Variants in SF3B3 observed in about 807,000 individuals in gnomAD.
SF3B3 encodes SAP 130.
Under a neutral mutation model 139.2 loss-of-function variants are expected in SF3B3, and 33 were observed. The observed-to-expected ratio is 0.24, with a 90% confidence interval of 0.18 to 0.32. SF3B3 has a LOEUF of 0.32. Among genes scored for constraint, SF3B3 ranks in the 10% least tolerant of loss-of-function variants. SF3B3 has a pLI of 1.00. For missense variants in SF3B3, 818 were observed against 1,509.4 expected (o/e 0.54, Z 7.59); for synonymous variants, 596 against 563.6 (o/e 1.06, Z -0.81).
chr16:70,570,524 G>T (rs1396998197), intron 24 of SF3B3, among the ~76,000 whole-genome samples: 1 of 152,076 alleles, frequency 6.6e-6, no homozygotes, highest in Non-Finnish European at 1.5e-5. Context: ...TAGAGATGGG[G>T]TTTCACCGTG....
At chr16:70,528,272 C>G (rs1044790588) in intron 2 of SF3B3, among the ~76,000 whole-genome samples, 2 of 144,356 alleles carry the variant, frequency 1.4e-5, no homozygotes, top group Non-Finnish European at 3.0e-5. Flanking sequence ...TCAAGCGATT[C>G]TCCTGTGTCA....
intron 5 of SF3B3, among the ~76,000 whole-genome samples, chr16:70,533,881 A>G (rs556071220): frequency 6.6e-6 from 1 of 152,388 alleles, no homozygotes; most frequent in Non-Finnish European, 1.5e-5. Flanking sequence ...CCTTTCATTT[A>G]CAAGGGCTTT....
At chr16:70,524,872 G>A (rs899683165) in intron 1 of SF3B3, 2 of 152,312 alleles carry the variant, frequency 1.3e-5, no homozygotes, top group African/African-American at 2.4e-5. Context: ...AGTAGAGACG[G>A]GGTTTCACTG....
chr16:70,548,410 A>G lies in SF3B3; in HGVS notation c.1370A>G (p.Asn457Ser). ...MAVSELPGNP[N>S]AVWTVRRHIE... The stretch of plus-strand genomic sequence containing the variant: ...GTTTCTGAGCTACCTGGTAACCCCA[A>G]CGCTGTCTGGACAGTGCGTCGACAC... Residue 457 changes from asparagine (N) to serine (S), a missense_variant, in exon 11 of 26, where the codon AAC (asparagine) becomes AGC (serine). Transcript: ENST00000302516. The G allele has an allele frequency of 6.2e-7, 1 of 1,613,868 alleles. No individual in the cohort carries two copies. Among genetic ancestry groups the G allele is most frequent in the Non-Finnish European group, 8.5e-7 (1 of 1,179,986 alleles).
intron 5 of SF3B3, among the ~76,000 whole-genome samples, chr16:70,533,115 C>G (rs1361533072): frequency 6.6e-6 from 1 of 152,210 alleles, no homozygotes. Context: ...TCCAAAGTCA[C>G]TCTCCCAAAA....
intron 2 of SF3B3, among the ~76,000 whole-genome samples, chr16:70,527,304 T>C (rs1472987655): frequency 6.6e-6 from 1 of 152,240 alleles, no homozygotes; most frequent in African/African-American, 2.4e-5. Flanking sequence ...AATATTGGAT[T>C]AGGAAATACA....
chr16:70,539,257 G>A (rs2050196514), intron 8 of SF3B3, 50 bp downstream of exon 8: 1 of 1,378,714 alleles, frequency 7.3e-7, no homozygotes. Flanking sequence ...GATAAAAGTT[G>A]GCAGCAGAAG....
chr16:70,550,749 A>G (rs1597716747), intron 11 of SF3B3: 2 of 772,156 alleles, frequency 2.6e-6, no homozygotes, highest in Non-Finnish European at 3.2e-6. Flanking sequence ...TGCACAAAAT[A>G]TTGAGGCTGC....
chr16:70,554,347 C>T, intron 11 of SF3B3, 99 bp from the exon 12 acceptor site: 1 of 1,138,504 alleles, frequency 8.8e-7, no homozygotes, highest in Non-Finnish European at 1.3e-6. Flanking sequence ...CATAGAAGAA[C>T]TGCCTTGGAA....
chr16:70,539,341 A>G (rs1227413630), intron 8 of SF3B3, 134 bp downstream of exon 8: 4 of 671,784 alleles, frequency 6.0e-6, no homozygotes, highest in Non-Finnish European at 1.1e-5. Flanking sequence ...TGAGGTAAGG[A>G]GTTGGAGACC....
chr16:70,549,479 C>T (rs2050300725), intron 11 of SF3B3, among the ~76,000 whole-genome samples: 2 of 152,060 alleles, frequency 1.3e-5, no homozygotes, highest in African/African-American at 4.8e-5. Flanking sequence ...GAAGTTGGTC[C>T]GTGTTGGTGT....
At chr16:70,562,314 G>A (rs2050436422) in intron 17 of SF3B3, among the ~76,000 whole-genome samples, 1 of 152,034 alleles carries the variant, frequency 6.6e-6, no homozygotes, top group Non-Finnish European at 1.5e-5. Flanking sequence ...AGGTTTTGGG[G>A]GGCTTTTAAA....
chr16:70,557,386 C>A (rs914505127), intron 15 of SF3B3, among the ~76,000 whole-genome samples: 2 of 152,106 alleles, frequency 1.3e-5, no homozygotes, highest in Non-Finnish European at 2.9e-5. Flanking sequence ...AATAAAGGAC[C>A]CCTAAATGTT....
intron 10 of SF3B3, among the ~76,000 whole-genome samples, chr16:70,546,389 C>T (rs898772627): frequency 6.6e-6 from 1 of 152,308 alleles, no homozygotes; most frequent in Admixed American, 6.5e-5. Context: ...CGGTGGCGCA[C>T]GCCTGTAATT....
In SF3B3 at chr16:70,546,043, G is replaced by T. The variant is rs939139888; in HGVS notation, c.1329+1510G>T. 9.2e-5 allele frequency among the ~76,000 whole-genome samples: 14 copies of T among 152,106 alleles called. No individual in the cohort carries two copies. In the East Asian group the frequency reaches 2.5e-3, roughly 27 times the overall value. Reference sequence around the variant, plus strand: ...AGTGGTGAGACTTTGCTTCACTGTAGCCTCCAACGCCCAGTCTCAAGCAAG... The same window carrying T: ...AGTGGTGAGACTTTGCTTCACTGTATCCTCCAACGCCCAGTCTCAAGCAAG... On this transcript the variant is annotated intron_variant, in intron 10 of 25. Transcript: ENST00000302516.
chr16:70,559,357 A>C (rs531528549), intron 15 of SF3B3, among the ~76,000 whole-genome samples: 5 of 152,130 alleles, frequency 3.3e-5, no homozygotes, highest in Admixed American at 6.5e-5. Flanking sequence ...CACTCCTTTC[A>C]GTGGGGCCCA....
chr16:70,546,450 G>C (rs185192787), intron 10 of SF3B3, among the ~76,000 whole-genome samples: 5 of 152,262 alleles, frequency 3.3e-5, no homozygotes, highest in Admixed American at 6.5e-5. Context: ...TCAGGAGTTC[G>C]AGACCAGCCT....
intron 7 of SF3B3, among the ~76,000 whole-genome samples, chr16:70,538,737 A>C (rs754385576): frequency 3.3e-5 from 5 of 152,206 alleles, no homozygotes; most frequent in Non-Finnish European, 5.9e-5. Flanking sequence ...TTTCTGCTGA[A>C]AACTGGTAAT....
rs770188490 is a variant in SF3B3, at chr16:70,530,929, C to T, written c.570+12C>T. On this transcript the variant is annotated intron_variant, in intron 4 of 25. Coordinates refer to ENST00000302516, the MANE Select transcript of SF3B3 (RefSeq NM_012426.5). ...AAATGGATTATGAGGTAATGGGGAC[C>T]CTGTCTCTTTGCGTTTCTTTCAGTC... 1.9e-6 allele frequency: 3 copies of T among 1,589,424 alleles called. No individual in the cohort carries two copies. The highest frequency in any genetic ancestry group is 1.2e-5 in the South Asian group (1 of 86,914).
Sources: allele counts gnomAD v4.1 joint callset (sites outside exome capture counted in the v4.1 genomes callset), GRCh38; gene constraint gnomAD v4.1.1; transcripts MANE v1.5; gene names NCBI Gene and HGNC (gene_info 2026-07-23, HGNC 2026-07-21).